IL1RAPL1: variants seen among roughly 807,000 people sequenced by gnomAD.
The protein encoded by IL1RAPL1 is interleukin 1 receptor accessory protein like 1, also known as interleukin-1 receptor accessory protein-like 1.
Under a neutral mutation model 48.4 loss-of-function variants are expected in IL1RAPL1, and 3 were observed. That is an observed-to-expected ratio of 0.06 (90% confidence interval 0.03 to 0.16). The LOEUF is 0.16. Ranked by LOEUF, IL1RAPL1 falls within the 10% of genes least tolerant of loss-of-function variation. IL1RAPL1 has a pLI of 1.00. For missense variants in IL1RAPL1, 349 were observed against 530.6 expected, an observed-to-expected ratio of 0.66 and a Z score of 3.36; for synonymous variants, 185 against 187.7, an observed-to-expected ratio of 0.99 and a Z score of 0.12.
At chrX:28,897,514 G>A in intron 2 of IL1RAPL1, among the ~76,000 whole-genome samples, 1 of 111,539 alleles carries the variant, frequency 9.0e-6, no homozygotes, top group South Asian at 3.8e-4. Flanking sequence ...AGAGGTTGAG[G>A]GATAGTGAGA....
chrX:28,904,607 T>G (rs753502590), intron 2 of IL1RAPL1, among the ~76,000 whole-genome samples: 11 of 112,372 alleles, frequency 9.8e-5, no homozygotes, highest in Non-Finnish European at 1.9e-4. Flanking sequence ...AGCCACAGTT[T>G]CCTTGTTCAT....
chrX:28,898,943 C>T (rs1001048120), intron 2 of IL1RAPL1, among the ~76,000 whole-genome samples: 1 of 111,461 alleles, frequency 9.0e-6, no homozygotes, highest in African/African-American at 3.3e-5. Flanking sequence ...GCATGCTCCA[C>T]CATGCCTGGT....
At chrX:28,957,887 A>G (rs1475468375) in intron 2 of IL1RAPL1, among the ~76,000 whole-genome samples, 2 of 110,019 alleles carry the variant, frequency 1.8e-5, no homozygotes, top group Non-Finnish European at 3.8e-5. Flanking sequence ...TGAACCCGGG[A>G]AGTGGAGGTT....
In IL1RAPL1 at chrX:29,433,986, A is replaced by G. The variant is rs1438655779; in HGVS notation, c.703+34678A>G. ...ATTATTTTTGCTTTCTTCTGAACTG[A>G]CTTCATATAAAAATAAAGATGATGA... On this transcript the variant is annotated intron_variant, in intron 5 of 10. Transcript: ENST00000378993. 2.7e-5 allele frequency among the ~76,000 whole-genome samples: 3 copies of G among 110,320 alleles called. No homozygotes were observed. The Admixed American group carries it at 2.9e-4, about 11-fold the overall frequency.
intron 2 of IL1RAPL1, among the ~76,000 whole-genome samples, chrX:29,260,747 G>C (rs1251617043): frequency 1.8e-5 from 2 of 110,601 alleles, no homozygotes; most frequent in Non-Finnish European, 3.8e-5. Context: ...AAGATTAATG[G>C]ATTTTAATAA....
intron 1 of IL1RAPL1, among the ~76,000 whole-genome samples, chrX:28,758,005 G>A (rs1569166015): frequency 8.9e-6 from 1 of 112,233 alleles, no homozygotes; most frequent in African/African-American, 3.2e-5. Context: ...ATTATTACAT[G>A]TGACTACATT....
chrX:28,601,163 G>T (rs1161967148), intron 1 of IL1RAPL1, among the ~76,000 whole-genome samples: 1 of 111,619 alleles, frequency 9.0e-6, no homozygotes, highest in Non-Finnish European at 1.9e-5. Context: ...GCTCATGCCT[G>T]TAATCCCAGC....
chrX:28,644,098 T>C (rs1271848418), intron 1 of IL1RAPL1, among the ~76,000 whole-genome samples: 1 of 109,614 alleles, frequency 9.1e-6, no homozygotes, highest in Non-Finnish European at 1.9e-5. Context: ...GTTCAGAAAA[T>C]AAGTTTTTTT....
At chrX:28,722,987 C>T (rs1428317545) in intron 1 of IL1RAPL1, among the ~76,000 whole-genome samples, 3 of 111,375 alleles carry the variant, frequency 2.7e-5, no homozygotes, top group African/African-American at 9.8e-5. Context: ...CTGCTGGATT[C>T]GGTTTGCCAG....
intron 3 of IL1RAPL1, among the ~76,000 whole-genome samples, chrX:29,372,968 C>T (rs1301402454): frequency 1.8e-5 from 2 of 110,039 alleles, no homozygotes; most frequent in East Asian, 5.7e-4. Context: ...AAAAATGACA[C>T]TTGTAGTTTG....
At chrX:28,657,989 TG>T (rs1790228470) in intron 1 of IL1RAPL1, among the ~76,000 whole-genome samples, 1 of 112,218 alleles carries the variant, frequency 8.9e-6, no homozygotes, top group Non-Finnish European at 1.9e-5. Flanking sequence ...TAGTGTATTT[TG>T]CCTGTGTTTT....
At chrX:29,758,172 ATTCT>A (rs1928664580) in intron 6 of IL1RAPL1, among the ~76,000 whole-genome samples, 1 of 112,213 alleles carries the variant, frequency 8.9e-6, no homozygotes, top group Non-Finnish European at 1.9e-5. Flanking sequence ...CCATTGTTTA[ATTCT>A]TTCTTCTGGC....
intron 2 of IL1RAPL1, among the ~76,000 whole-genome samples, chrX:29,244,577 A>G (rs1346836511): frequency 8.9e-6 from 1 of 112,346 alleles, no homozygotes; most frequent in Non-Finnish European, 1.9e-5. Flanking sequence ...TCAGAAGTCA[A>G]GGTTTAACAG....
chrX:28,989,823 A>G (rs1199270878), intron 2 of IL1RAPL1, among the ~76,000 whole-genome samples: 1 of 111,878 alleles, frequency 8.9e-6, no homozygotes, highest in Non-Finnish European at 1.9e-5. Context: ...ATACTTGTAA[A>G]GAATAAAATT....
At position 28,660,086 on chromosome X, in the gene IL1RAPL1, GGTGTGTGTGTGTGT is replaced by G. The variant is rs60600833; in HGVS notation, c.-25+72080_-25+72093del. Among the ~76,000 whole-genome samples the G allele has an allele frequency of 6.7e-3, 511 of 76,435 alleles. 6 individuals are homozygous for G. Among genetic ancestry groups the G allele is most frequent in the Non-Finnish European group, 7.4e-3 (295 of 39,909 alleles). 66.4% of individuals were successfully genotyped at this position (76,435 alleles called of 115,157 possible). A position where few individuals can be genotyped will look rare whatever the true frequency, so the allele number is the denominator to read the frequency against. ...TCCAAAGCAGAAGCAGAGTGAGGAT[GGTGTGTGTGTGTGT>G]GTGTGTGTGTGTGTGTGTGTGTGTG... is the stretch of plus-strand genomic sequence containing the variant. On this transcript the variant is annotated intron_variant, in intron 1 of 10. Transcript: ENST00000378993.
chrX:29,540,463 T>G, intron 5 of IL1RAPL1, among the ~76,000 whole-genome samples: 1 of 111,647 alleles, frequency 9.0e-6, no homozygotes, highest in East Asian at 2.8e-4. Flanking sequence ...AAAAACAGCC[T>G]GAATAGTTAA....
chrX:28,958,762 G>A (rs180709381), intron 2 of IL1RAPL1, among the ~76,000 whole-genome samples: 208 of 111,588 alleles, frequency 1.9e-3, no homozygotes, highest in African/African-American at 6.6e-3. Context: ...GGGGCTGAAT[G>A]TAGTTTCTCC....
intron 2 of IL1RAPL1, among the ~76,000 whole-genome samples, chrX:29,165,085 G>A (rs1274039862): frequency 1.8e-5 from 2 of 112,033 alleles, no homozygotes; most frequent in Non-Finnish European, 3.8e-5. Context: ...TTAGGGGGCC[G>A]AGGCGGGTGG....
intron 6 of IL1RAPL1, among the ~76,000 whole-genome samples, chrX:29,915,714 CTTTTTTT>C (rs201364121): frequency 1.8e-5 from 1 of 54,311 alleles, no homozygotes; most frequent in Admixed American, 2.2e-4. Flanking sequence ...TGGTAATATT[CTTTTTTT>C]TTTTTTTTTT....
Sources: gnomAD v4.1 joint callset for allele counts (sites outside exome capture counted in the v4.1 genomes callset) on GRCh38, gnomAD v4.1.1 for gene constraint, MANE v1.5 for transcripts, NCBI Gene and HGNC (gene_info 2026-07-23, HGNC 2026-07-21) for gene names.